The following ANKFY1 variants were observed in gnomAD, a reference collection of about 807,000 sequenced individuals.
The protein encoded by ANKFY1 is ankyrin repeat and FYVE domain-containing protein 1.
In ANKFY1, 47 loss-of-function variants were observed where a neutral mutation model predicts 128.3. The ratio of observed to expected loss-of-function variants is 0.37; its 90% CI spans 0.29 to 0.47. The LOEUF (loss-of-function observed/expected upper bound fraction) is 0.47. Ranked by LOEUF, ANKFY1 falls within the 20% of genes least tolerant of loss-of-function variation. The pLI, the probability that ANKFY1 is intolerant of heterozygous loss-of-function variation, is 1.00. For synonymous variants in ANKFY1, 553 were observed against 601.6 expected (o/e 0.92, Z 1.18); for missense variants, 1,222 against 1,510.6 (o/e 0.81, Z 3.17).
At chr17:4,223,931 T>C (rs2060373932) in intron 3 of ANKFY1, 3 of 591,972 alleles carry the variant, frequency 5.1e-6, no homozygotes, top group Non-Finnish European at 8.9e-6. Flanking sequence ...TCCAGAACAC[T>C]GTGCCTCAGC....
intron 1 of ANKFY1, among the ~76,000 whole-genome samples, chr17:4,243,679 T>G (rs755822775): frequency 3.3e-5 from 5 of 152,180 alleles, no homozygotes; most frequent in Non-Finnish European, 7.3e-5. Flanking sequence ...ATATGAACTA[T>G]GCTCTCCAAC....
intron 3 of ANKFY1, chr17:4,222,441 T>C: frequency 1.2e-6 from 1 of 804,292 alleles, no homozygotes; most frequent in East Asian, 2.4e-5. Flanking sequence ...AGGTTGAATG[T>C]AAGCTGGGAT....
intron 16 of ANKFY1, among the ~76,000 whole-genome samples, chr17:4,180,676 G>A (rs1364414532): frequency 7.2e-6 from 1 of 139,798 alleles, no homozygotes; most frequent in Non-Finnish European, 1.5e-5. Flanking sequence ...AGAATGGCGT[G>A]AACCCAGGAG....
Position 4,197,221 on chromosome 17 carries a change from A to G in ANKFY1, c.1103+152T>C, listed in dbSNP as rs141888998. 5.3e-3 allele frequency: 3,994 copies of G among 758,876 alleles called. 11 individuals are homozygous for G. Among genetic ancestry groups the G allele is most frequent in the Non-Finnish European group, 7.5e-3 (3,444 of 460,748 alleles). 47.0% of individuals were successfully genotyped at this position (758,876 alleles called of 1,614,324 possible). ...TGCCTCTGGTTTTAGTAGTGACACT[A>G]CTACTACACATCGATGTCTGTGACT... On this transcript the variant is annotated intron_variant, in intron 8 of 24. Coordinates refer to ENST00000341657, the MANE Select transcript of ANKFY1 (RefSeq NM_001330063.2).
rs751158089 is a variant in ANKFY1 at position 4,201,022 on chromosome 17, T to G, written c.899-3445A>C. Among the ~76,000 whole-genome samples, 46 of 152,070 alleles carry G rather than the reference T, an allele frequency of 3.0e-4. 1 individual carries two copies. Among genetic ancestry groups the G allele is most frequent in the Admixed American group, 2.6e-4 (4 of 15,260 alleles). On this transcript the variant is annotated intron_variant, in intron 7 of 24. Coordinates refer to ENST00000341657, the MANE Select transcript of ANKFY1 (RefSeq NM_001330063.2). Reference sequence around the variant, plus strand: ...AGTAGGTATGAAATTAGAAAATCATTTGCTTTTGTTTTGGTTTTTGGTTTT... The same window carrying G: ...AGTAGGTATGAAATTAGAAAATCATGTGCTTTTGTTTTGGTTTTTGGTTTT...
At chr17:4,200,207 G>A (rs974819631) in intron 7 of ANKFY1, among the ~76,000 whole-genome samples, 12 of 152,018 alleles carry the variant, frequency 7.9e-5, no homozygotes, top group African/African-American at 2.9e-4. Flanking sequence ...GACTACAGGT[G>A]CACGCCAACA....
chr17:4,179,665 A>C (rs2059473855), intron 17 of ANKFY1, 56 bp downstream of exon 17: 9 of 1,592,152 alleles, frequency 5.7e-6, no homozygotes, highest in Admixed American at 3.4e-5. Context: ...CCATAGGAGG[A>C]GGCTTCCCTC....
chr17:4,259,703 C>T (rs1968304840), intron 1 of ANKFY1, among the ~76,000 whole-genome samples: 1 of 152,260 alleles, frequency 6.6e-6, no homozygotes, highest in African/African-American at 2.4e-5. Context: ...GTTTGCTTGA[C>T]AAGAGGCTAA....
intron 6 of ANKFY1, among the ~76,000 whole-genome samples, chr17:4,207,045 T>C (rs2060038077): frequency 1.3e-5 from 2 of 151,986 alleles, no homozygotes; most frequent in African/African-American, 2.4e-5. Context: ...AAAAGGCACT[T>C]TGAGGATGTG....
At chr17:4,225,442 A>T (rs1309393305) in intron 3 of ANKFY1, among the ~76,000 whole-genome samples, 4 of 152,176 alleles carry the variant, frequency 2.6e-5, no homozygotes, top group Non-Finnish European at 4.4e-5. Flanking sequence ...TCTTTAGTCA[A>T]TTTAAGGATG....
rs751121907 is a variant in ANKFY1 at position 4,182,162 on chromosome 17, A to C, written c.2121+19T>G. 2.0e-6 allele frequency: 3 copies of C among 1,469,010 alleles called. No homozygotes were observed. Among genetic ancestry groups the C allele is most frequent in the Non-Finnish European group, 2.7e-6 (3 of 1,094,422 alleles). The allele number at this position is 1,469,010 out of a possible 1,614,324, so 91.0% of individuals were successfully genotyped here. ...ATATCCCCATCTGTAAACAGAGGCTAACGTTGTGCCTGTCTCACCAGAGTG... is the reference window on the plus strand; with the variant it reads ...ATATCCCCATCTGTAAACAGAGGCTCACGTTGTGCCTGTCTCACCAGAGTG... On this transcript the variant is annotated intron_variant, in intron 15 of 24. Coordinates refer to ENST00000341657, the MANE Select transcript of ANKFY1 (RefSeq NM_001330063.2).
At chr17:4,237,560 C>T (rs1308695399) in intron 2 of ANKFY1, among the ~76,000 whole-genome samples, 2 of 152,122 alleles carry the variant, frequency 1.3e-5, no homozygotes, top group Non-Finnish European at 2.9e-5. Flanking sequence ...TCAGTCTGTA[C>T]TGTTTCAACC....
chr17:4,195,023 G>C lies in ANKFY1; in HGVS notation c.1327C>G (p.Leu443Val). 6.2e-7 allele frequency: 1 copy of C among 1,614,196 alleles called. No individual in the cohort carries two copies. The highest frequency in any genetic ancestry group is 8.5e-7 in the Non-Finnish European group (1 of 1,180,048). Reference protein sequence around the residue: ...SFDENSFAARLIQRGSHTDAP... With the variant: ...SFDENSFAARVIQRGSHTDAP... Reference sequence around the variant, plus strand: ...TCTGTGTGGCTGCCGCGCTGGATGAGTCTGGCTGCAAAGCTGTTCTCATCA... The same window carrying C: ...TCTGTGTGGCTGCCGCGCTGGATGACTCTGGCTGCAAAGCTGTTCTCATCA... The change falls in exon 10 of 25, where the codon CTC (leucine) becomes GTC (valine). Residue 443 changes from leucine (L) to valine (V), a missense_variant. By Grantham distance (32) the Leu-to-Val change is conservative. Transcript: ENST00000341657.
chr17:4,260,297 G>C (rs75487841), intron 1 of ANKFY1, among the ~76,000 whole-genome samples: 9,004 of 152,118 alleles, frequency 0.059, 617 homozygotes, highest in African/African-American at 0.17. Flanking sequence ...CTTTTAATTG[G>C]AACCTTTTGA....
chr17:4,223,680 G>T (rs769499342), intron 3 of ANKFY1: 1 of 1,601,970 alleles, frequency 6.2e-7, no homozygotes, highest in Non-Finnish European at 8.6e-7. Flanking sequence ...CTGAAAGATG[G>T]TTACCGAATA....
At chr17:4,212,535 C>T (rs1283222292) in intron 4 of ANKFY1, among the ~76,000 whole-genome samples, 1 of 152,158 alleles carries the variant, frequency 6.6e-6, no homozygotes, top group Admixed American at 6.5e-5. Context: ...TAGCCGTTCT[C>T]GTCTCTAAAA....
chr17:4,260,139 G>A (rs913810452), intron 1 of ANKFY1, among the ~76,000 whole-genome samples: 10 of 152,284 alleles, frequency 6.6e-5, no homozygotes, highest in African/African-American at 1.4e-4. Flanking sequence ...TTAAGATTAC[G>A]GAGAAGTGTG....
At chr17:4,230,426 C>T (rs1361743595) in intron 3 of ANKFY1, among the ~76,000 whole-genome samples, 4 of 152,184 alleles carry the variant, frequency 2.6e-5, no homozygotes, top group African/African-American at 9.7e-5. Flanking sequence ...TCCATTGGAA[C>T]CTCTCATCGT....
intron 1 of ANKFY1, among the ~76,000 whole-genome samples, chr17:4,255,564 T>G (rs1968072235): frequency 6.6e-6 from 1 of 152,146 alleles, no homozygotes; most frequent in Admixed American, 6.6e-5. Context: ...CATGTAATTC[T>G]TTAATGACTA....
Sources: allele counts gnomAD v4.1 joint callset (sites outside exome capture counted in the v4.1 genomes callset), GRCh38; gene constraint gnomAD v4.1.1; transcripts MANE v1.5; gene names NCBI Gene and HGNC (gene_info 2026-07-23, HGNC 2026-07-21).